TENM3: variants seen among roughly 807,000 people sequenced by gnomAD.
The protein encoded by TENM3 is teneurin transmembrane protein 3, also known as teneurin-3.
In TENM3, 63 loss-of-function variants were observed where a neutral mutation model predicts 255.1. The ratio of observed to expected loss-of-function variants is 0.25; its 90% CI spans 0.20 to 0.30. The LOEUF (loss-of-function observed/expected upper bound fraction) is 0.30, where lower values mean the gene tolerates loss of function less well. Among genes scored for constraint, TENM3 ranks in the 10% least tolerant of loss-of-function variants. The pLI is 1.00. For missense variants in TENM3, 2,929 were observed against 3,461.1 expected (o/e 0.85, Z 3.86); for synonymous variants, 1,306 against 1,322.3 (o/e 0.99, Z 0.27).
rs2152724755 is a variant in TENM3, at chr4:182,736,758, A to G, written c.2968-50A>G. On this transcript the variant is annotated intron_variant, in intron 16 of 27. Coordinates refer to ENST00000511685, the MANE Select transcript of TENM3 (RefSeq NM_001080477.4). ...TGTGCTACATAAATATATTTTATCT[A>G]ATCGTCATACGTGATCACAGTTTGA... 2.0e-6 allele frequency: 3 copies of G among 1,510,328 alleles called. No homozygotes were observed. In the East Asian group the frequency reaches 6.8e-5, roughly 34 times the overall value. 93.6% of individuals were successfully genotyped at this position (1,510,328 alleles called of 1,614,324 possible).
chr4:182,659,999 G>A (rs4386638), intron 6 of TENM3, among the ~76,000 whole-genome samples: 29,877 of 152,120 alleles, frequency 0.2, 3,250 homozygotes, highest in African/African-American at 0.28. Flanking sequence ...TGCCTAAGTG[G>A]TCTCATCAAT....
At chr4:181,772,927 G>A in the TENM3 span, among the ~76,000 whole-genome samples, 1 of 152,110 alleles carries the variant, frequency 6.6e-6, no homozygotes, top group Non-Finnish European at 1.5e-5. Context: ...TTTCAGATAA[G>A]GGGATTTGTC....
At chr4:182,403,958 G>A (rs2151043072) in intron 3 of TENM3, among the ~76,000 whole-genome samples, 1 of 152,324 alleles carries the variant, frequency 6.6e-6, no homozygotes. Context: ...CTCGTCTCAA[G>A]AAATCCTCCT....
chr4:182,581,512 C>T (rs1370759772), intron 3 of TENM3, among the ~76,000 whole-genome samples: 7 of 152,000 alleles, frequency 4.6e-5, no homozygotes, highest in African/African-American at 1.7e-4. Flanking sequence ...CCGAGGAGGG[C>T]GGATCACCTG....
In TENM3 at chr4:182,236,086, G is replaced by A. The variant is rs553635318; in HGVS notation, c.-75-87860G>A. 4.6e-5 allele frequency among the ~76,000 whole-genome samples: 7 copies of A among 152,172 alleles called. No individual in the cohort carries two copies. In the South Asian group the frequency reaches 1.4e-3, roughly 32 times the overall value. On this transcript the variant is annotated intron_variant, in intron 1 of 2. Coordinates refer to the TENM3 transcript ENST00000512480. ...TTGGGAGGATAGTGAAGGAAGAAAC[G>A]GGAGCAGAGTCCCTTTAAATGCAGG...
chr4:181,496,316 G>A, the TENM3 span, among the ~76,000 whole-genome samples: 1 of 123,250 alleles, frequency 8.1e-6, no homozygotes, highest in Non-Finnish European at 1.5e-5. Context: ...CTTCCCTTTA[G>A]TGTTTATAGT....
At chr4:182,353,454 G>T (rs1023453888) in intron 3 of TENM3, among the ~76,000 whole-genome samples, 1 of 151,954 alleles carries the variant, frequency 6.6e-6, no homozygotes, top group African/African-American at 2.4e-5. Context: ...GTAATATGTC[G>T]GTGGGCTTCC....
rs763589038 is a variant in TENM3, at chr4:182,680,636, C to G, written c.1733C>G (p.Pro578Arg). ...TGGAAGGGCACCGAGTGTGATGTGC[C>G]GACTACCCAGTGTATTGACCCACAG... ...SGWKGTECDV[P>R]TTQCIDPQCG... The change falls in exon 10 of 28, where the codon CCG (proline) becomes CGG (arginine). Residue 578 changes from proline (P) to arginine (R), a missense_variant. Around this residue, in one of 6 missense-constraint regions of TENM3, gnomAD observed 1,608 missense variants for 1,884.4 expected, o/e 0.85. Coordinates refer to ENST00000511685, the MANE Select transcript of TENM3 (RefSeq NM_001080477.4). 8 of 1,613,210 alleles carry G rather than the reference C, an allele frequency of 5.0e-6. No homozygotes were observed. The highest frequency in any genetic ancestry group is 6.8e-6 in the Non-Finnish European group (8 of 1,179,752).
chr4:182,168,580 A>T (rs1325953833), intron 1 of TENM3, among the ~76,000 whole-genome samples: 1 of 152,250 alleles, frequency 6.6e-6, no homozygotes, highest in Non-Finnish European at 1.5e-5. Context: ...GTTAAAAGAA[A>T]TGAAAAACTT....
chr4:182,024,650 G>A, the TENM3 span, among the ~76,000 whole-genome samples: 1 of 152,076 alleles, frequency 6.6e-6, no homozygotes, highest in Non-Finnish European at 1.5e-5. Context: ...ACATCAAAAT[G>A]GGGTATCCAT....
intron 1 of TENM3, among the ~76,000 whole-genome samples, chr4:182,157,117 C>T (rs930715453): frequency 6.6e-6 from 1 of 152,200 alleles, no homozygotes; most frequent in Non-Finnish European, 1.5e-5. Context: ...CAGACGTTAG[C>T]AGTGCCTTGA....
At chr4:182,150,938 C>T (rs896360649) in intron 1 of TENM3, among the ~76,000 whole-genome samples, 2 of 151,994 alleles carry the variant, frequency 1.3e-5, no homozygotes, top group Non-Finnish European at 2.9e-5. Flanking sequence ...TTCTCTGTTC[C>T]CTCCCCCAAA....
chr4:182,375,506 T>C (rs950805741), intron 3 of TENM3, among the ~76,000 whole-genome samples: 8 of 152,152 alleles, frequency 5.3e-5, no homozygotes, highest in African/African-American at 1.9e-4. Context: ...TGTAAAAATA[T>C]TTTTTAAGGA....
At chr4:182,050,749 A>G in the TENM3 span, among the ~76,000 whole-genome samples, 3 of 152,198 alleles carry the variant, frequency 2.0e-5, no homozygotes, top group East Asian at 5.8e-4. Flanking sequence ...GGTTGCAGTA[A>G]GCCAAGACTG....
At chr4:181,853,431 A>C in the TENM3 span, among the ~76,000 whole-genome samples, 1 of 152,230 alleles carries the variant, frequency 6.6e-6, no homozygotes, top group African/African-American at 2.4e-5. Flanking sequence ...TGAAAATATA[A>C]ATGATCCTAT....
At chr4:181,694,534 C>T in the TENM3 span, among the ~76,000 whole-genome samples, 2 of 152,184 alleles carry the variant, frequency 1.3e-5, no homozygotes, top group Non-Finnish European at 2.9e-5. Context: ...GGCTATTTAG[C>T]TAGTTCTCTC....
At chr4:182,146,795 A>T (rs1368479336) in intron 1 of TENM3, among the ~76,000 whole-genome samples, 1 of 152,196 alleles carries the variant, frequency 6.6e-6, no homozygotes, top group Non-Finnish European at 1.5e-5. Flanking sequence ...CCTAATGAGG[A>T]TTACTTGATT....
At chr4:182,100,438 TA>T in the TENM3 span, among the ~76,000 whole-genome samples, 94 of 65,700 alleles carry the variant, frequency 1.4e-3, no homozygotes, top group South Asian at 3.7e-3. Context: ...TCCGTCTCCG[TA>T]AAAAAAAAAA....
intron 24 of TENM3, among the ~76,000 whole-genome samples, chr4:182,785,880 A>T (rs1765612489): frequency 1.3e-5 from 2 of 152,058 alleles, no homozygotes; most frequent in Non-Finnish European, 2.9e-5. Context: ...TCTTTTGTTC[A>T]CAACACCCAA....
Sources: allele counts gnomAD v4.1 joint callset (sites outside exome capture counted in the v4.1 genomes callset), GRCh38; gene constraint gnomAD v4.1.1; regional missense constraint gnomAD v4.1.1; transcripts MANE v1.5; gene names NCBI Gene and HGNC (gene_info 2026-07-23, HGNC 2026-07-21).